The following SLC35F1 variants were observed in gnomAD, a reference collection of about 807,000 sequenced individuals.
SLC35F1 encodes the protein chromosome 6 open reading frame 169.
A neutral mutation model predicts 48.7 loss-of-function variants in SLC35F1; 14 were observed. The observed-to-expected ratio is 0.29, with a 90% CI of 0.19 to 0.45. The LOEUF is 0.45. Ranked by LOEUF, SLC35F1 falls within the 20% of genes least tolerant of loss-of-function variation. The pLI is 1.00. For missense variants in SLC35F1, 404 were observed against 500.0 expected (o/e 0.81, Z 1.83); for synonymous variants, 190 against 202.2 (o/e 0.94, Z 0.51).
intron 3 of SLC35F1, among the ~76,000 whole-genome samples, chr6:118,243,328 C>A (rs548587219): frequency 6.6e-6 from 1 of 152,038 alleles, no homozygotes; most frequent in Non-Finnish European, 1.5e-5. Flanking sequence ...TAAGAAATGC[C>A]CTAGACAAGG....
At chr6:118,175,351 T>A (rs1477428349) in intron 2 of SLC35F1, among the ~76,000 whole-genome samples, 1 of 152,122 alleles carries the variant, frequency 6.6e-6, no homozygotes, top group Non-Finnish European at 1.5e-5. Flanking sequence ...GCCTTTTCTG[T>A]TATGGAAAAT....
intron 1 of SLC35F1, among the ~76,000 whole-genome samples, chr6:118,124,234 A>C (rs926971517): frequency 1.3e-5 from 2 of 152,262 alleles, no homozygotes; most frequent in African/African-American, 4.8e-5. Flanking sequence ...TATTTCTTTC[A>C]ACCCTAAAAT....
rs75270303 is a variant in SLC35F1 at position 118,115,306 on chromosome 6, T to C, written c.174-39139T>C. Among the ~76,000 whole-genome samples the C allele has an allele frequency of 3.3e-4, 50 of 152,218 alleles. No individual in the cohort carries two copies. In the East Asian group the frequency reaches 9.3e-3, roughly 28 times the overall value. On this transcript the variant is annotated intron_variant, in intron 1 of 7. Coordinates refer to ENST00000360388, the MANE Select transcript of SLC35F1 (RefSeq NM_001029858.4). ...CTAGAAACAAGGTGCACTGACCACATAGCAGGCATGCACAGAGCACATGTT... is the reference window on the plus strand; with the variant it reads ...CTAGAAACAAGGTGCACTGACCACACAGCAGGCATGCACAGAGCACATGTT...
chr6:118,172,419 C>T (rs928994852), intron 2 of SLC35F1, among the ~76,000 whole-genome samples: 8 of 152,022 alleles, frequency 5.3e-5, no homozygotes, highest in African/African-American at 4.8e-5. Context: ...TTTTTATTAA[C>T]GTCTCATCCA....
intron 1 of SLC35F1, among the ~76,000 whole-genome samples, chr6:118,043,352 T>TAGAA (rs59094324): frequency 0.98 from 148,740 of 152,176 alleles, 72,783 homozygotes; most frequent in Middle Eastern, 1. Flanking sequence ...ATTCTGGAGT[T>TAGAA]AGAATGTCTT....
chr6:118,241,097 C>A (rs1775434207), intron 3 of SLC35F1, among the ~76,000 whole-genome samples: 1 of 152,170 alleles, frequency 6.6e-6, no homozygotes, highest in South Asian at 2.1e-4. Flanking sequence ...AAGAGTTAAG[C>A]TGGGCCATAT....
chr6:117,941,050 T>C (rs1029592551), intron 1 of SLC35F1, among the ~76,000 whole-genome samples: 48 of 152,346 alleles, frequency 3.2e-4, no homozygotes, highest in African/African-American at 1.1e-3. Context: ...CACTGTTACC[T>C]GAAGGCTGCA....
chr6:118,168,309 T>C (rs1029760335), intron 2 of SLC35F1, among the ~76,000 whole-genome samples: 8 of 152,070 alleles, frequency 5.3e-5, no homozygotes, highest in African/African-American at 1.9e-4. Context: ...ATGGAATACA[T>C]CCCAAGACCC....
intron 1 of SLC35F1, among the ~76,000 whole-genome samples, chr6:118,114,236 C>A (rs1356450248): frequency 6.6e-6 from 1 of 152,092 alleles, no homozygotes; most frequent in Non-Finnish European, 1.5e-5. Flanking sequence ...AACCACTATA[C>A]CTTACCTTTT....
At chr6:117,973,825 C>A (rs968633246) in intron 1 of SLC35F1, among the ~76,000 whole-genome samples, 2 of 152,104 alleles carry the variant, frequency 1.3e-5, no homozygotes, top group African/African-American at 4.8e-5. Flanking sequence ...TGAAGGATGA[C>A]CAGAAGTACC....
chr6:118,019,805 G>A (rs1285034270), intron 1 of SLC35F1, among the ~76,000 whole-genome samples: 1 of 152,114 alleles, frequency 6.6e-6, no homozygotes, highest in Non-Finnish European at 1.5e-5. Context: ...ATTTGGCATT[G>A]TTTTTTAGTT....
intron 1 of SLC35F1, among the ~76,000 whole-genome samples, chr6:117,951,687 G>T (rs993439468): frequency 3.3e-5 from 5 of 152,198 alleles, no homozygotes; most frequent in Non-Finnish European, 7.3e-5. Flanking sequence ...TGCTGTGCAG[G>T]ACAAGGAATA....
At chr6:118,296,969 G>C (rs978046044) in intron 7 of SLC35F1, among the ~76,000 whole-genome samples, 4 of 152,072 alleles carry the variant, frequency 2.6e-5, no homozygotes, top group African/African-American at 9.7e-5. Flanking sequence ...AGAAATCAGA[G>C]TATCAGTTTG....
intron 1 of SLC35F1, among the ~76,000 whole-genome samples, chr6:118,095,997 G>A (rs1046389272): frequency 6.6e-6 from 1 of 152,164 alleles, no homozygotes; most frequent in African/African-American, 2.4e-5. Flanking sequence ...TTTGACAGAA[G>A]TAAGCTAAGA....
At chr6:117,914,139 T>TATC (rs1775799127) in intron 1 of SLC35F1, among the ~76,000 whole-genome samples, 2 of 149,144 alleles carry the variant, frequency 1.3e-5, no homozygotes, top group African/African-American at 5.0e-5. Context: ...TCTATCTATC[T>TATC]GTCTATCCAC....
rs773954308 is a variant in SLC35F1, at chr6:118,188,550, C to CA, written c.349+33944dup. Among the ~76,000 whole-genome samples the CA allele has an allele frequency of 5.4e-3, 613 of 113,132 alleles. 1 individual carries two copies. The highest frequency in any genetic ancestry group is 9.6e-3 in the African/African-American group (293 of 30,572). The allele number at this position is 113,132 out of a possible 152,430, so 74.2% of individuals were successfully genotyped here. On this transcript the variant is annotated intron_variant, in intron 2 of 7. Coordinates refer to ENST00000360388, the MANE Select transcript of SLC35F1 (RefSeq NM_001029858.4). ...GGGCAACAAGAGCAAAACTCCATTT[C>CA]AAAAAAAAAAAAAAGGAAAAACTAT...
chr6:117,985,906 A>G (rs1377796987), intron 1 of SLC35F1, among the ~76,000 whole-genome samples: 4 of 152,238 alleles, frequency 2.6e-5, no homozygotes, highest in African/African-American at 9.6e-5. Context: ...GGGGAACTTT[A>G]TTGTAAACAG....
At chr6:118,172,050 T>C (rs1774413164) in intron 2 of SLC35F1, among the ~76,000 whole-genome samples, 2 of 152,168 alleles carry the variant, frequency 1.3e-5, no homozygotes, top group African/African-American at 4.8e-5. Context: ...TCTTTATTGC[T>C]GTAAACACAG....
intron 2 of SLC35F1, among the ~76,000 whole-genome samples, chr6:118,160,491 A>G (rs1774214331): frequency 6.6e-6 from 1 of 152,276 alleles, no homozygotes; most frequent in African/African-American, 2.4e-5. Flanking sequence ...ACACTCATAA[A>G]AATATCACCA....
Sources: allele counts gnomAD v4.1 joint callset (sites outside exome capture counted in the v4.1 genomes callset), GRCh38; gene constraint gnomAD v4.1.1; transcripts MANE v1.5; gene names NCBI Gene and HGNC (gene_info 2026-07-23, HGNC 2026-07-21).